RYR2: variants seen among roughly 807,000 people sequenced by gnomAD.
The protein encoded by RYR2 is cardiac muscle ryanodine receptor-calcium release channel.
In RYR2, 227 loss-of-function variants were observed where a neutral mutation model predicts 601.1. The ratio of observed to expected loss-of-function variants is 0.38; its 90% confidence interval spans 0.34 to 0.42. The LOEUF is 0.42. RYR2 is among the 10% of genes least tolerant of loss of function. The pLI, the probability that RYR2 is intolerant of heterozygous loss-of-function variation, is 1.00. For missense variants in RYR2, 4,646 were observed against 6,156.5 expected, an observed-to-expected ratio of 0.75 and a Z score of 8.21; for synonymous variants, 2,223 against 2,175.1, an observed-to-expected ratio of 1.02 and a Z score of -0.61.
chr1:237,646,616 G>A (rs1236144334), intron 48 of RYR2, among the ~76,000 whole-genome samples: 2 of 152,150 alleles, frequency 1.3e-5, no homozygotes, highest in Admixed American at 6.5e-5. Flanking sequence ...GGATTAGCTA[G>A]GGTCTTCCTC....
chr1:237,368,799 GTTTA>G (rs202090317), intron 5 of RYR2, among the ~76,000 whole-genome samples: 3,108 of 129,182 alleles, frequency 0.024, 90 homozygotes, highest in African/African-American at 0.066. Flanking sequence ...TTGAATCAAC[GTTTA>G]TTTATTTATT....
At chr1:237,293,604 G>A (rs543621915) in intron 2 of RYR2, among the ~76,000 whole-genome samples, 1 of 152,174 alleles carries the variant, frequency 6.6e-6, no homozygotes, top group Non-Finnish European at 1.5e-5. Flanking sequence ...CCCTCCTCAT[G>A]ATAGAGCAGC....
intron 17 of RYR2, among the ~76,000 whole-genome samples, chr1:237,478,689 T>C (rs151065877): frequency 1.3e-5 from 2 of 152,294 alleles, no homozygotes; most frequent in Non-Finnish European, 2.9e-5. Context: ...ATAAAGTGAA[T>C]AATATTAGTA....
At chr1:237,451,560 G>A (rs546209766) in intron 14 of RYR2, among the ~76,000 whole-genome samples, 20 of 133,800 alleles carry the variant, frequency 1.5e-4, no homozygotes, top group Admixed American at 1.3e-3. Context: ...CAGCCTGGGT[G>A]ACAGAGTGAA....
chr1:237,389,886 T>C (rs1702239100), intron 10 of RYR2, among the ~76,000 whole-genome samples: 1 of 152,136 alleles, frequency 6.6e-6, no homozygotes. Flanking sequence ...GTCTATCATA[T>C]GTTCATCAGA....
intron 1 of RYR2, among the ~76,000 whole-genome samples, chr1:237,136,148 A>T (rs1672752325): frequency 6.6e-6 from 1 of 152,258 alleles, no homozygotes. Context: ...CCACCAGCTT[A>T]GCCCGTTGAG....
intron 54 of RYR2, 100 bp downstream of exon 54, chr1:237,658,122 C>A: frequency 1.6e-6 from 1 of 606,118 alleles, no homozygotes; most frequent in Non-Finnish European, 2.7e-6. Flanking sequence ...AAAATGAGAA[C>A]TTGATCTAAA....
intron 101 of RYR2, among the ~76,000 whole-genome samples, chr1:237,825,387 C>T (rs1409266646): frequency 6.6e-6 from 1 of 152,146 alleles, no homozygotes; most frequent in Admixed American, 6.5e-5. Context: ...TGATCTTTGA[C>T]AAACCTGACA....
rs146792023 is a variant in RYR2, at chr1:237,474,849, C to T, written c.1708+5662C>T. ...GAGAAATGGCAGGAGCCTGAGTGGT[C>T]GATGGCATGGAACTCATGTGCTGTT... On this transcript the variant is annotated intron_variant, in intron 17 of 104. Transcript: ENST00000366574. Among the ~76,000 whole-genome samples the T allele has an allele frequency of 2.5e-3, 385 of 152,226 alleles. 3 individuals are homozygous for T. Among genetic ancestry groups the T allele is most frequent in the Non-Finnish European group, 2.9e-3 (197 of 68,022 alleles).
At chr1:237,104,891 T>A (rs1668496771) in intron 1 of RYR2, among the ~76,000 whole-genome samples, 1 of 152,226 alleles carries the variant, frequency 6.6e-6, no homozygotes, top group African/African-American at 2.4e-5. Flanking sequence ...GGCTGATCTG[T>A]GCCTGGTGCT....
chr1:237,560,831 G>C (rs138056299), intron 27 of RYR2, among the ~76,000 whole-genome samples: 283 of 152,338 alleles, frequency 1.9e-3, no homozygotes, highest in Middle Eastern at 3.4e-3. Context: ...ATGGAACAGA[G>C]AGCAGACTGC....
At chr1:237,423,666 C>G (rs563474891) in intron 12 of RYR2, among the ~76,000 whole-genome samples, 1 of 152,118 alleles carries the variant, frequency 6.6e-6, no homozygotes, top group South Asian at 2.1e-4. Flanking sequence ...TGACAGTATA[C>G]AGTGACCACA....
chr1:237,768,040 A>G (rs1693974956), intron 84 of RYR2, among the ~76,000 whole-genome samples: 1 of 152,174 alleles, frequency 6.6e-6, no homozygotes, highest in Non-Finnish European at 1.5e-5. Context: ...ATTTATCCTA[A>G]TTCACCAATT....
In RYR2 at chr1:237,071,958, C is replaced by T. The variant is rs554143839; in HGVS notation, c.48+29389C>T. The stretch of plus-strand genomic sequence containing the variant: ...GCCAGGTCGCGATAGCGCCCGGGCT[C>T]GGCTTCTACTTTACTCTGAAATTGG... On this transcript the variant is annotated intron_variant, in intron 1 of 104. Coordinates refer to ENST00000366574, the MANE Select transcript of RYR2 (RefSeq NM_001035.3). 1.7e-4 allele frequency among the ~76,000 whole-genome samples: 26 copies of T among 152,332 alleles called. No homozygotes were observed. The East Asian group carries it at 1.9e-3, about 11-fold the overall frequency.
chr1:237,714,057 A>C (rs1014386467), intron 71 of RYR2, among the ~76,000 whole-genome samples: 5 of 152,132 alleles, frequency 3.3e-5, no homozygotes, highest in African/African-American at 1.2e-4. Context: ...TCTGTTCATA[A>C]TGTGGCAAAG....
rs1558381555 is a variant in RYR2 at position 237,771,992 on chromosome 1, CAT to C, written c.11558-19_11558-18del. 2 of 1,389,640 alleles carry C rather than the reference CAT, an allele frequency of 1.4e-6. No homozygotes were observed. Among genetic ancestry groups the C allele is most frequent in the Admixed American group, 3.9e-5 (2 of 50,686 alleles). The allele number at this position is 1,389,640 out of a possible 1,614,324, so 86.1% of individuals were successfully genotyped here. A position where few individuals can be genotyped will look rare whatever the true frequency, so the allele number is the denominator to read the frequency against. On this transcript the variant is annotated intron_variant, in intron 85 of 104. Transcript: ENST00000366574. ...TGAACTTCTGAGCAAGCATTAATAACATTTTTTTATCTTGCATAGATTTTCAG... is the reference window on the plus strand; with the variant it reads ...TGAACTTCTGAGCAAGCATTAATAACTTTTTTATCTTGCATAGATTTTCAG...
chr1:237,458,350 A>G (rs989284336), intron 16 of RYR2, among the ~76,000 whole-genome samples: 4 of 152,062 alleles, frequency 2.6e-5, no homozygotes, highest in Admixed American at 2.6e-4. Context: ...AACCATTTGA[A>G]CCCGGGAAGC....
chr1:237,797,068 G>A (rs1432742794), intron 96 of RYR2, among the ~76,000 whole-genome samples: 1 of 151,920 alleles, frequency 6.6e-6, no homozygotes. Context: ...ACAGGAGTGA[G>A]CCACCACTCC....
chr1:237,388,913 C>T (rs371624404), intron 10 of RYR2, among the ~76,000 whole-genome samples: 2 of 151,986 alleles, frequency 1.3e-5, no homozygotes, highest in South Asian at 4.2e-4. Context: ...TTAACATGGA[C>T]ACTTAGGTAA....
Sources: allele counts gnomAD v4.1 joint callset (sites outside exome capture counted in the v4.1 genomes callset), GRCh38; gene constraint gnomAD v4.1.1; transcripts MANE v1.5; gene names NCBI Gene and HGNC (gene_info 2026-07-23, HGNC 2026-07-21).